ANKRD30B: variants seen among roughly 807,000 people sequenced by gnomAD.
ANKRD30B encodes ankyrin repeat domain-containing protein 30B.
A neutral mutation model predicts 202.2 loss-of-function variants in ANKRD30B; 144 were observed. The observed-to-expected ratio is 0.71, with a 90% CI of 0.62 to 0.82. The LOEUF (loss-of-function observed/expected upper bound fraction) is 0.82, where lower values mean the gene tolerates loss of function less well. Ranked by LOEUF, ANKRD30B falls within the 40% of genes least tolerant of loss-of-function variation. The pLI, the probability that ANKRD30B is intolerant of heterozygous loss-of-function variation, is 0.00. For missense variants in ANKRD30B, 1,487 were observed against 1,669.1 expected (o/e 0.89, Z 1.90); for synonymous variants, 508 against 561.3 (o/e 0.91, Z 1.34).
the ANKRD30B span, among the ~76,000 whole-genome samples, chr18:14,865,319 C>G: frequency 6.6e-6 from 1 of 151,610 alleles, no homozygotes; most frequent in Non-Finnish European, 1.5e-5. Context: ...TTCTCTCCCT[C>G]CTGCTTGCCA....
chr18:14,921,877 A>C, the ANKRD30B span, among the ~76,000 whole-genome samples: 1 of 151,528 alleles, frequency 6.6e-6, no homozygotes, highest in Non-Finnish European at 1.5e-5. Context: ...TAAGGGAAAA[A>C]GGGGAGACAG....
At chr18:14,924,908 C>G in the ANKRD30B span, among the ~76,000 whole-genome samples, 1 of 152,336 alleles carries the variant, frequency 6.6e-6, no homozygotes, top group African/African-American at 2.4e-5. Context: ...CCTGGCTAAC[C>G]ACTTTCCAGC....
At chr18:14,881,802 G>A in the ANKRD30B span, among the ~76,000 whole-genome samples, 1 of 151,494 alleles carries the variant, frequency 6.6e-6, no homozygotes, top group Non-Finnish European at 1.5e-5. Flanking sequence ...GTCTGCTTGG[G>A]GTATCTAATT....
intron 36 of ANKRD30B, among the ~76,000 whole-genome samples, chr18:14,839,037 T>C (rs1016990752): frequency 3.3e-5 from 5 of 152,208 alleles, no homozygotes; most frequent in African/African-American, 1.2e-4. Context: ...TTTCCATATA[T>C]AGCAGTTTGG....
chr18:14,886,325 A>G, the ANKRD30B span, among the ~76,000 whole-genome samples: 299 of 152,160 alleles, frequency 2.0e-3, no homozygotes, highest in African/African-American at 6.9e-3. Flanking sequence ...ATTAAGAGGG[A>G]TGGAGGCCCC....
the ANKRD30B span, among the ~76,000 whole-genome samples, chr18:14,879,939 C>G: frequency 9.5e-4 from 143 of 150,348 alleles, 1 homozygote; most frequent in Admixed American, 1.7e-3. Context: ...TGGGTTCTTG[C>G]TCATGAAATC....
chr18:14,882,977 A>G, the ANKRD30B span, among the ~76,000 whole-genome samples: 4 of 152,260 alleles, frequency 2.6e-5, no homozygotes, highest in African/African-American at 7.2e-5. Context: ...CTATTCCATA[A>G]TCATTCTGAT....
At chr18:14,837,397 T>A (rs1369271722) in intron 35 of ANKRD30B, 108 bp downstream of exon 35, 124 of 1,014,608 alleles carry the variant, frequency 1.2e-4, no homozygotes, top group Non-Finnish European at 3.2e-5. Context: ...AACAATTTTT[T>A]AGCCCAAAAT....
the ANKRD30B span, among the ~76,000 whole-genome samples, chr18:14,933,116 T>C: frequency 3.9e-5 from 6 of 152,152 alleles, no homozygotes; most frequent in Non-Finnish European, 7.3e-5. Context: ...AAATGGAACT[T>C]TCAGTCCTGC....
the ANKRD30B span, among the ~76,000 whole-genome samples, chr18:14,921,039 G>A: frequency 6.6e-6 from 1 of 152,190 alleles, no homozygotes. Flanking sequence ...GTCTTTGTCT[G>A]GAAAGAGCAT....
At chr18:14,816,969 G>A (rs1356355192) in intron 30 of ANKRD30B, 1 of 152,172 alleles carries the variant, frequency 6.6e-6, no homozygotes, top group Non-Finnish European at 1.5e-5. Flanking sequence ...TTGTGGGGTT[G>A]GAGGAGGGAT....
Position 14,843,015 on chromosome 18 carries a change from C to T in ANKRD30B, c.3109-9C>T, listed in dbSNP as rs1488452256. On this transcript the variant is annotated splice_polypyrimidine_tract_variant and intron_variant, in intron 38 of 43. Coordinates refer to ENST00000690538, the MANE Select transcript of ANKRD30B (RefSeq NM_001367607.2). The stretch of plus-strand genomic sequence containing the variant: ...CGTTATTAATCATTTTTCTTCCAAA[C>T]CCGTTTAGCCTGCCACTGAAATGCA... 18 of 1,590,374 alleles carry T rather than the reference C, an allele frequency of 1.1e-5. No individual in the cohort carries two copies. In the Admixed American group the frequency reaches 3.2e-4, roughly 28 times the overall value.
chr18:14,865,311 C>T, the ANKRD30B span, among the ~76,000 whole-genome samples: 1 of 151,148 alleles, frequency 6.6e-6, no homozygotes, highest in Non-Finnish European at 1.5e-5. Context: ...ACAAAACCTT[C>T]TCTCCCTCCT....
chr18:14,879,598 G>A, the ANKRD30B span, among the ~76,000 whole-genome samples: 2 of 152,046 alleles, frequency 1.3e-5, no homozygotes, highest in African/African-American at 4.8e-5. Flanking sequence ...GGGTTTAGGG[G>A]TTGGAGATAG....
chr18:14,779,911 T>G lies in ANKRD30B; in HGVS notation c.1421-49T>G, dbSNP rs775338392. The G allele has an allele frequency of 1.2e-5, 14 of 1,177,988 alleles. No homozygotes were observed. In the South Asian group the frequency reaches 2.0e-4, roughly 17 times the overall value. The allele number at this position is 1,177,988 out of a possible 1,614,324, so 73.0% of individuals were successfully genotyped here. On this transcript the variant is annotated intron_variant, in intron 10 of 43. Transcript: ENST00000690538. Reference sequence around the variant, plus strand: ...ATAGATTTGTATATGTTTTTAAAATTTATAATAAGGAATGCTCTCATGAAT... The same window carrying G: ...ATAGATTTGTATATGTTTTTAAAATGTATAATAAGGAATGCTCTCATGAAT...
chr18:14,780,444 C>A (rs1967651975), intron 11 of ANKRD30B, among the ~76,000 whole-genome samples: 1 of 144,950 alleles, frequency 6.9e-6, no homozygotes, highest in South Asian at 2.2e-4. Context: ...GACTCTGTCT[C>A]CAAAAAAAAA....
At chr18:14,849,472 TG>T in intron 40 of ANKRD30B, among the ~76,000 whole-genome samples, 2 of 151,902 alleles carry the variant, frequency 1.3e-5, no homozygotes, top group Middle Eastern at 6.8e-3. Context: ...TTAATGTGCA[TG>T]GAATATAAAG....
intron 15 of ANKRD30B, among the ~76,000 whole-genome samples, chr18:14,787,349 T>G (rs532265939): frequency 3.3e-5 from 5 of 152,180 alleles, no homozygotes; most frequent in Non-Finnish European, 7.4e-5. Context: ...AGGCTTAGAA[T>G]TCACTAGAAA....
At chr18:14,753,414 A>G (rs1913791384) in intron 3 of ANKRD30B, among the ~76,000 whole-genome samples, 1 of 152,148 alleles carries the variant, frequency 6.6e-6, no homozygotes, top group South Asian at 2.1e-4. Context: ...TTGAGCACAT[A>G]TGACTGTTTG....
Sources: allele counts gnomAD v4.1 joint callset (sites outside exome capture counted in the v4.1 genomes callset), GRCh38; gene constraint gnomAD v4.1.1; transcripts MANE v1.5; gene names NCBI Gene and HGNC (gene_info 2026-07-23, HGNC 2026-07-21).